FRMD5: variants seen among roughly 807,000 people sequenced by gnomAD.
FRMD5 encodes FERM domain containing 5.
In FRMD5, 20 loss-of-function variants were observed where a neutral mutation model predicts 69.0. The ratio of observed to expected loss-of-function variants is 0.29; its 90% CI spans 0.20 to 0.42. The LOEUF (loss-of-function observed/expected upper bound fraction) is 0.42, where lower values mean the gene tolerates loss of function less well. Ranked by LOEUF, FRMD5 falls within the 10% of genes least tolerant of loss-of-function variation. FRMD5 has a pLI of 1.00. For synonymous variants in FRMD5, 271 were observed against 260.1 expected, an observed-to-expected ratio of 1.04 and a Z score of -0.40; for missense variants, 595 against 708.6, an observed-to-expected ratio of 0.84 and a Z score of 1.82.
chr15:44,035,999 T>C (rs1030630354), intron 1 of FRMD5, among the ~76,000 whole-genome samples: 2 of 152,118 alleles, frequency 1.3e-5, no homozygotes, highest in African/African-American at 4.8e-5. Context: ...ACTGCTTGGA[T>C]GAACTAAGTG....
chr15:44,039,305 A>C (rs943733098), intron 1 of FRMD5, among the ~76,000 whole-genome samples: 10 of 152,212 alleles, frequency 6.6e-5, no homozygotes, highest in African/African-American at 2.4e-4. Flanking sequence ...ATCTCCCAGC[A>C]CAGCATTCAA....
chr15:44,012,023 G>A (rs1299547297), intron 1 of FRMD5, among the ~76,000 whole-genome samples: 1 of 152,124 alleles, frequency 6.6e-6, no homozygotes, highest in Non-Finnish European at 1.5e-5. Flanking sequence ...TTTACTGCTT[G>A]ACTCTTCTTT....
rs527810000 is a variant in FRMD5 at position 44,191,478 on chromosome 15, C to T, written c.102+3475G>A. 2.8e-4 allele frequency among the ~76,000 whole-genome samples: 42 copies of T among 151,988 alleles called. No individual in the cohort carries two copies. The Middle Eastern group carries it at 0.01, about 37-fold the overall frequency. On this transcript the variant is annotated intron_variant, in intron 1 of 13. Coordinates refer to ENST00000417257, the MANE Select transcript of FRMD5 (RefSeq NM_032892.5). ...GTGGGTGCCTGTAATACCAGCTACT[C>T]GGGAGGTTGAGGCAGGAGAATCGCT...
chr15:44,117,397 G>T (rs1303139591), intron 1 of FRMD5, among the ~76,000 whole-genome samples: 1 of 152,100 alleles, frequency 6.6e-6, no homozygotes, highest in Non-Finnish European at 1.5e-5. Flanking sequence ...TAGAGAATAA[G>T]CCAAAAAGAC....
At chr15:43,994,910 C>T (rs757012701) in intron 1 of FRMD5, among the ~76,000 whole-genome samples, 3 of 152,150 alleles carry the variant, frequency 2.0e-5, no homozygotes, top group South Asian at 2.1e-4. Context: ...TCCGTTCAGC[C>T]GTTTTCATAA....
At chr15:44,139,332 TTC>T (rs1473788991) in intron 1 of FRMD5, among the ~76,000 whole-genome samples, 2 of 142,700 alleles carry the variant, frequency 1.4e-5, no homozygotes, top group African/African-American at 5.7e-5. Flanking sequence ...CACACACACT[TTC>T]TTTCATCTAC....
intron 1 of FRMD5, among the ~76,000 whole-genome samples, chr15:44,045,999 T>C (rs1019208730): frequency 2.0e-5 from 3 of 152,178 alleles, no homozygotes; most frequent in Non-Finnish European, 4.4e-5. Flanking sequence ...GCTATCATTA[T>C]GCACAGCACT....
At chr15:44,118,577 C>T (rs949498237) in intron 1 of FRMD5, among the ~76,000 whole-genome samples, 1 of 152,162 alleles carries the variant, frequency 6.6e-6, no homozygotes, top group Non-Finnish European at 1.5e-5. Context: ...CATTTCCTAT[C>T]CTACCATTTC....
intron 7 of FRMD5, among the ~76,000 whole-genome samples, chr15:43,896,893 G>A (rs532829382): frequency 6.6e-6 from 1 of 152,204 alleles, no homozygotes; most frequent in East Asian, 1.9e-4. Flanking sequence ...AGAGCTCACA[G>A]TTGGGAAGCT....
At chr15:44,017,898 C>G (rs974087621) in intron 1 of FRMD5, among the ~76,000 whole-genome samples, 2 of 152,034 alleles carry the variant, frequency 1.3e-5, no homozygotes, top group African/African-American at 4.8e-5. Flanking sequence ...TGTGAGCCAC[C>G]GCACCTGATC....
At chr15:43,945,299 G>C (rs1385554644) in intron 1 of FRMD5, among the ~76,000 whole-genome samples, 1 of 152,092 alleles carries the variant, frequency 6.6e-6, no homozygotes, top group Non-Finnish European at 1.5e-5. Context: ...TGGTTCAATA[G>C]GAAGTGCTTG....
At chr15:43,961,413 T>C (rs1012376755) in intron 1 of FRMD5, among the ~76,000 whole-genome samples, 2 of 152,136 alleles carry the variant, frequency 1.3e-5, no homozygotes, top group Admixed American at 1.3e-4. Flanking sequence ...CAATAATTAA[T>C]AGCTTACCAA....
chr15:43,877,944 A>C (rs1402168541), intron 13 of FRMD5, among the ~76,000 whole-genome samples: 1 of 152,210 alleles, frequency 6.6e-6, no homozygotes, highest in East Asian at 1.9e-4. Context: ...ACTTTAAGCC[A>C]AATGATGTTA....
chr15:43,999,930 T>C (rs1890110787), intron 1 of FRMD5, among the ~76,000 whole-genome samples: 3 of 129,594 alleles, frequency 2.3e-5, no homozygotes, highest in Non-Finnish European at 4.8e-5. Flanking sequence ...TATGTATATA[T>C]ATATATATAT....
At chr15:43,902,336 A>T in intron 6 of FRMD5, 74 bp from the exon 7 acceptor site, 1 of 1,235,218 alleles carries the variant, frequency 8.1e-7, no homozygotes, top group Non-Finnish European at 1.2e-6. Flanking sequence ...CTCTCTATGA[A>T]GATGTGCTTA....
chr15:44,011,023 G>A (rs1389877205), intron 1 of FRMD5, among the ~76,000 whole-genome samples: 1 of 152,090 alleles, frequency 6.6e-6, no homozygotes, highest in African/African-American at 2.4e-5. Context: ...GAATGCAGGT[G>A]GAAAAGAGGT....
intron 1 of FRMD5, among the ~76,000 whole-genome samples, chr15:44,093,104 G>A (rs1488701844): frequency 1.3e-5 from 2 of 151,750 alleles, no homozygotes; most frequent in African/African-American, 4.8e-5. Context: ...GCTAATTTTT[G>A]TATTTTTAGT....
intron 1 of FRMD5, among the ~76,000 whole-genome samples, chr15:44,125,423 C>T (rs2077012870): frequency 6.6e-6 from 1 of 152,146 alleles, no homozygotes; most frequent in African/African-American, 2.4e-5. Flanking sequence ...CTGATTATTA[C>T]CATAGTACCT....
chr15:44,179,282 A>T (rs1406574792), intron 1 of FRMD5, among the ~76,000 whole-genome samples: 1 of 152,172 alleles, frequency 6.6e-6, no homozygotes, highest in Non-Finnish European at 1.5e-5. Flanking sequence ...GAATCTGAAA[A>T]ATACCCCTCA....
Sources: allele counts gnomAD v4.1 joint callset (sites outside exome capture counted in the v4.1 genomes callset), GRCh38; gene constraint gnomAD v4.1.1; transcripts MANE v1.5; gene names NCBI Gene and HGNC (gene_info 2026-07-23, HGNC 2026-07-21).